The following FLT3 variants were observed in gnomAD, a reference collection of about 807,000 sequenced individuals.
FLT3 encodes the protein receptor-type tyrosine-protein kinase FLT3.
In FLT3, 46 loss-of-function variants were observed where a neutral mutation model predicts 126.6. That is an observed-to-expected ratio of 0.36 (90% CI 0.29 to 0.46). The LOEUF (loss-of-function observed/expected upper bound fraction) is 0.46, where lower values mean the gene tolerates loss of function less well. FLT3 is among the 20% of genes least tolerant of loss of function. The probability of loss-of-function intolerance (pLI) is 1.00; values close to 1 mark genes in which losing one functional copy is unlikely to be tolerated. For missense variants in FLT3, 1,069 were observed against 1,190.3 expected (o/e 0.90, Z 1.50); for synonymous variants, 404 against 434.4 (o/e 0.93, Z 0.87).
At chr13:28,049,917 G>T (rs1566083133) in intron 6 of FLT3, 143 bp from the exon 7 acceptor site, 2 of 1,101,850 alleles carry the variant, frequency 1.8e-6, no homozygotes, top group Non-Finnish European at 2.6e-6. Flanking sequence ...TTTAGAGACT[G>T]ACTCCTCTTT....
At chr13:28,037,363 G>A in intron 9 of FLT3, 75 bp from the exon 10 acceptor site, 1 of 859,356 alleles carries the variant, frequency 1.2e-6, no homozygotes, top group Admixed American at 1.8e-5. Context: ...CAGTGTGCAT[G>A]GGAGGTGTCT....
At position 28,034,109 on chromosome 13, in the gene FLT3, C is replaced by T. The variant is rs2137674740; in HGVS notation, c.1810G>A (p.Glu604Lys). The T allele has an allele frequency of 6.2e-7, 1 of 1,613,918 alleles. No homozygotes were observed. Among genetic ancestry groups the T allele is most frequent in the Non-Finnish European group, 8.5e-7 (1 of 1,179,910 alleles). ...AACTCTAAATTTTCTCTTGGAAACTCCCATTTGAGATCATATTCATATTCT... is the reference window on the plus strand; with the variant it reads ...AACTCTAAATTTTCTCTTGGAAACTTCCATTTGAGATCATATTCATATTCT... Reference protein sequence around the residue: ...FREYEYDLKWEFPRENLEFGK... With the variant: ...FREYEYDLKWKFPRENLEFGK... Residue 604 changes from glutamate to lysine, a missense_variant, in exon 14 of 24, where the codon GAG becomes AAG. Transcript: ENST00000241453.
intron 1 of FLT3, among the ~76,000 whole-genome samples, chr13:28,086,044 GC>G (rs1878653201): frequency 6.6e-6 from 1 of 152,144 alleles, no homozygotes; most frequent in African/African-American, 2.4e-5. Context: ...TGAAACTTCT[GC>G]TTTTTAATTA....
At chr13:28,012,205 T>C (rs898798455) in intron 23 of FLT3, among the ~76,000 whole-genome samples, 5 of 152,154 alleles carry the variant, frequency 3.3e-5, no homozygotes, top group African/African-American at 9.7e-5. Context: ...GAGAAAAAGT[T>C]TGTGAACCGT....
intron 9 of FLT3, among the ~76,000 whole-genome samples, chr13:28,044,549 G>C (rs188126481): frequency 6.6e-6 from 1 of 152,218 alleles, no homozygotes; most frequent in East Asian, 1.9e-4. Context: ...CATGTGGAGA[G>C]AAAAAGACAT....
chr13:28,017,649 T>C (rs1471511366), intron 20 of FLT3, among the ~76,000 whole-genome samples: 1 of 149,508 alleles, frequency 6.7e-6, no homozygotes, highest in African/African-American at 2.5e-5. Context: ...CAATTCACAC[T>C]GTTTTTTTTG....
Position 28,024,927 on chromosome 13 carries a change from C to T in FLT3, c.2224G>A (p.Glu742Lys), listed in dbSNP as rs775807044. ...HPNSSMPGSREVQIHPDSDQI... is the reference protein window; with the variant it reads ...HPNSSMPGSRKVQIHPDSDQI... Reference sequence around the variant, plus strand: ...TCCGAGTCCGGGTGTATCTGAACTTCTCTTGAACCAGGCATGCTATTAAAA... The same window carrying T: ...TCCGAGTCCGGGTGTATCTGAACTTTTCTTGAACCAGGCATGCTATTAAAA... The change falls in exon 18 of 24, where the codon GAA (glutamate) becomes AAA (lysine). Residue 742 changes from glutamate to lysine, a missense_variant. By Grantham distance (56) the Glu-to-Lys change is moderately conservative. Transcript: ENST00000241453. 6.2e-6 allele frequency: 10 copies of T among 1,609,800 alleles called. No homozygotes were observed. The South Asian group carries it at 1.0e-4, about 16-fold the overall frequency.
chr13:28,045,587 C>T (rs946357593), intron 9 of FLT3, among the ~76,000 whole-genome samples: 7 of 152,188 alleles, frequency 4.6e-5, no homozygotes, highest in African/African-American at 1.2e-4. Flanking sequence ...GGGCCAGGCG[C>T]GGTGGCTCAC....
intron 23 of FLT3, among the ~76,000 whole-genome samples, chr13:28,012,436 C>A (rs190216583): frequency 6.6e-6 from 1 of 152,168 alleles, no homozygotes; most frequent in African/African-American, 2.4e-5. Flanking sequence ...CCTCTCTACT[C>A]CCCCATTCTC....
At chr13:28,069,939 C>T (rs971753579) in intron 2 of FLT3, among the ~76,000 whole-genome samples, 1 of 151,904 alleles carries the variant, frequency 6.6e-6, no homozygotes, top group Non-Finnish European at 1.5e-5. Context: ...CAGAGTGGGA[C>T]CCCATCTTTG....
At chr13:28,067,714 G>A (rs1877156286) in intron 2 of FLT3, 1 of 158,154 alleles carries the variant, frequency 6.3e-6, no homozygotes, top group African/African-American at 2.4e-5. Flanking sequence ...GTTGTTGTCT[G>A]CTTACGTAAG....
chr13:28,025,386 GT>G, intron 17 of FLT3: 1 of 454,502 alleles, frequency 2.2e-6, no homozygotes, highest in Non-Finnish European at 4.4e-6. Context: ...CTTTTTTCCA[GT>G]TTGCCTTTGT....
intron 1 of FLT3, among the ~76,000 whole-genome samples, chr13:28,074,961 C>T (rs1216371632): frequency 1.3e-5 from 2 of 152,116 alleles, no homozygotes; most frequent in African/African-American, 4.8e-5. Flanking sequence ...TTGCATTTTC[C>T]TCCTGACTAA....
rs767052933 is a variant in FLT3 at position 28,035,623 on chromosome 13, T to C, written c.1469A>G (p.Lys490Arg). The change falls in exon 12 of 24, where the codon AAA (lysine) becomes AGA (arginine). Residue 490 changes from lysine (K) to arginine (R), a missense_variant. Physicochemically the swap from Lys to Arg is conservative, Grantham distance 26 (BLOSUM62 2). Coordinates refer to ENST00000241453, the MANE Select transcript of FLT3 (RefSeq NM_004119.3). Reference sequence around the variant, plus strand: ...GCTCGACACCCACTGTCCAAACACTTTTCTGTTAGCCTTTCTATTCCAGAC... The same window carrying C: ...GCTCGACACCCACTGTCCAAACACTCTTCTGTTAGCCTTTCTATTCCAGAC... ...EGVWNRKANRKVFGQWVSSST... is the reference protein window; with the variant it reads ...EGVWNRKANRRVFGQWVSSST... 7 of 1,614,150 alleles carry C rather than the reference T, an allele frequency of 4.3e-6. No homozygotes were observed. The South Asian group carries it at 6.6e-5, about 15-fold the overall frequency.
chr13:28,023,289 T>C (rs1872552514), intron 19 of FLT3, 61 bp downstream of exon 19: 1 of 1,526,666 alleles, frequency 6.6e-7, no homozygotes, highest in Non-Finnish European at 8.9e-7. Context: ...CAAGAAAACA[T>C]ATATAAGCAC....
At chr13:28,030,527 G>A (rs1179248397) in intron 15 of FLT3, among the ~76,000 whole-genome samples, 4 of 152,116 alleles carry the variant, frequency 2.6e-5, no homozygotes, top group African/African-American at 9.7e-5. Context: ...TCCTGGAGAA[G>A]GCAGAGAAGT....
chr13:28,072,278 T>C (rs947951838), intron 1 of FLT3, among the ~76,000 whole-genome samples: 17 of 152,066 alleles, frequency 1.1e-4, no homozygotes, highest in African/African-American at 3.1e-4. Flanking sequence ...CATACACACA[T>C]TGTGAAACGA....
Position 28,034,375 on chromosome 13 carries a change from A to G in FLT3, c.1630T>C (p.Phe544Leu). The G allele has an allele frequency of 6.2e-7, 1 of 1,614,106 alleles. No homozygotes were observed. The highest frequency in any genetic ancestry group is 8.5e-7 in the Non-Finnish European group (1 of 1,179,918). Residue 544 changes from phenylalanine (F) to leucine (L), a missense_variant, in exon 13 of 24, where the codon TTC (phenylalanine) becomes CTC (leucine). Physicochemically the swap from Phe to Leu is conservative, Grantham distance 22 (BLOSUM62 0). Transcript: ENST00000241453. ...AGACAAACACCAATTGTTGCATAGAATGAGATGTTGTCTTGGATGAAAGGG... is the reference window on the plus strand; with the variant it reads ...AGACAAACACCAATTGTTGCATAGAGTGAGATGTTGTCTTGGATGAAAGGG... Reference protein sequence around the residue: ...PFPFIQDNISFYATIGVCLLF... With the variant: ...PFPFIQDNISLYATIGVCLLF...
intron 1 of FLT3, among the ~76,000 whole-genome samples, chr13:28,081,798 T>A (rs890848629): frequency 6.6e-6 from 1 of 151,334 alleles, no homozygotes; most frequent in Non-Finnish European, 1.5e-5. Flanking sequence ...GTAATATTTT[T>A]ATTATAATTT....
Sources: gnomAD v4.1 joint callset for allele counts (sites outside exome capture counted in the v4.1 genomes callset) on GRCh38, gnomAD v4.1.1 for gene constraint, MANE v1.5 for transcripts, NCBI Gene and HGNC (gene_info 2026-07-23, HGNC 2026-07-21) for gene names.